Variants in SDK1 observed in about 807,000 individuals in gnomAD.
SDK1 encodes protein sidekick-1.
SDK1 carries 157 observed loss-of-function variants against 245.5 expected under a neutral mutation model. The ratio of observed to expected loss-of-function variants is 0.64; its 90% CI spans 0.56 to 0.73. The LOEUF is 0.73. Ranked by LOEUF, SDK1 falls within the 30% of genes least tolerant of loss-of-function variation. The probability of loss-of-function intolerance (pLI) is 0.00; values close to 1 mark genes in which losing one functional copy is unlikely to be tolerated. For missense variants in SDK1, 3,583 were observed against 3,002.3 expected (o/e 1.19, Z -4.52); for synonymous variants, 1,647 against 1,278.5 (o/e 1.29, Z -6.15).
At chr7:4,177,435 A>G (rs627151) in intron 34 of SDK1, among the ~76,000 whole-genome samples, 105,655 of 152,174 alleles carry the variant, frequency 0.69, 37,152 homozygotes, top group Admixed American at 0.76. Flanking sequence ...CCCCTGCCCT[A>G]AGGAGTTCTC....
intron 25 of SDK1, among the ~76,000 whole-genome samples, chr7:4,124,287 G>C (rs116327753): frequency 0.013 from 2,044 of 152,310 alleles, 44 homozygotes; most frequent in South Asian, 0.079. Flanking sequence ...CATTCTGGAA[G>C]GTGGAATCTG....
chr7:3,309,627 C>T (rs1156987543), intron 1 of SDK1, among the ~76,000 whole-genome samples: 1 of 143,756 alleles, frequency 7.0e-6, no homozygotes, highest in East Asian at 2.1e-4. Context: ...CATGCTTTTA[C>T]TTCTGATTTT....
At chr7:4,171,857 G>T (rs189243392) in intron 32 of SDK1, among the ~76,000 whole-genome samples, 2 of 152,376 alleles carry the variant, frequency 1.3e-5, no homozygotes, top group Admixed American at 1.3e-4. Flanking sequence ...CGTGACCCTT[G>T]TAACTTTCTG....
intron 1 of SDK1, among the ~76,000 whole-genome samples, chr7:3,401,832 G>A (rs1239728136): frequency 2.0e-5 from 3 of 151,942 alleles, no homozygotes; most frequent in African/African-American, 7.3e-5. Context: ...AGCACAAATG[G>A]CATTTGTATA....
rs914988479 is a variant in SDK1 at position 3,429,101 on chromosome 7, C to A, written c.298+127217C>A. On this transcript the variant is annotated intron_variant, in intron 1 of 44. Transcript: ENST00000404826. ...AGTCAAATTTGAAAGTTGTAAGATA[C>A]AATCCAGCTTCTGCAATAATGAGAA... Among the ~76,000 whole-genome samples, 6 of 152,126 alleles carry A rather than the reference C, an allele frequency of 3.9e-5. No individual in the cohort carries two copies. In the East Asian group the frequency reaches 1.2e-3, roughly 29 times the overall value.
intron 1 of SDK1, among the ~76,000 whole-genome samples, chr7:3,550,162 C>G (rs76574583): frequency 6.6e-6 from 1 of 151,996 alleles, no homozygotes; most frequent in Non-Finnish European, 1.5e-5. Flanking sequence ...ATATGCATAT[C>G]TCAAATTTAC....
chr7:3,506,293 G>A (rs187638225), intron 1 of SDK1, among the ~76,000 whole-genome samples: 1 of 152,182 alleles, frequency 6.6e-6, no homozygotes, highest in East Asian at 1.9e-4. Context: ...GAACTTTGAA[G>A]ATGTTCTTCT....
chr7:3,863,318 A>G (rs1324002639), intron 5 of SDK1, among the ~76,000 whole-genome samples: 1 of 152,032 alleles, frequency 6.6e-6, no homozygotes, highest in African/African-American at 2.4e-5. Flanking sequence ...TCTGCCTGAA[A>G]CTTTTCTCCA....
chr7:3,688,197 G>A (rs1052986798), intron 4 of SDK1, among the ~76,000 whole-genome samples: 2 of 152,200 alleles, frequency 1.3e-5, no homozygotes, highest in African/African-American at 4.8e-5. Flanking sequence ...AAACAACTGA[G>A]GCTTTTAAAG....
chr7:3,932,024 T>C (rs1423212887), intron 5 of SDK1, among the ~76,000 whole-genome samples: 1 of 152,242 alleles, frequency 6.6e-6, no homozygotes, highest in Non-Finnish European at 1.5e-5. Context: ...ATTGATAGTT[T>C]GCACAGTCCA....
intron 1 of SDK1, among the ~76,000 whole-genome samples, chr7:3,512,241 C>A (rs560322242): frequency 1.3e-5 from 2 of 152,174 alleles, no homozygotes; most frequent in South Asian, 4.1e-4. Flanking sequence ...TGATAACTTT[C>A]ACATAGTAAT....
chr7:3,819,750 A>G (rs1203624613), intron 4 of SDK1, among the ~76,000 whole-genome samples: 1 of 152,154 alleles, frequency 6.6e-6, no homozygotes, highest in Non-Finnish European at 1.5e-5. Flanking sequence ...GAGACCTCAA[A>G]CAGTAATATA....
At chr7:3,341,237 A>G (rs1022011726) in intron 1 of SDK1, among the ~76,000 whole-genome samples, 4 of 152,228 alleles carry the variant, frequency 2.6e-5, no homozygotes, top group Admixed American at 1.3e-4. Context: ...GCCACCCACC[A>G]TATCAACAGA....
intron 1 of SDK1, among the ~76,000 whole-genome samples, chr7:3,414,573 T>C (rs1241939911): frequency 6.6e-6 from 1 of 152,234 alleles, no homozygotes. Context: ...TAATACCTTA[T>C]GTTTTTGTGA....
At chr7:3,539,760 T>C (rs763280084) in intron 1 of SDK1, among the ~76,000 whole-genome samples, 22 of 152,208 alleles carry the variant, frequency 1.4e-4, no homozygotes, top group Admixed American at 1.2e-3. Context: ...GGAAGAATTA[T>C]TGCATTAATT....
chr7:3,535,367 T>TA (rs1209410004), intron 1 of SDK1, among the ~76,000 whole-genome samples: 3 of 152,174 alleles, frequency 2.0e-5, no homozygotes, highest in Non-Finnish European at 4.4e-5. Flanking sequence ...CTATTCTAAT[T>TA]ACATGCATTA....
At chr7:3,975,754 G>C (rs764443246) in intron 13 of SDK1, among the ~76,000 whole-genome samples, 9 of 152,228 alleles carry the variant, frequency 5.9e-5, no homozygotes, top group Admixed American at 2.6e-4. Context: ...CCCAACTCCT[G>C]TTCTGTCTCC....
chr7:4,054,836 T>C (rs1779102358), intron 19 of SDK1, among the ~76,000 whole-genome samples: 1 of 152,210 alleles, frequency 6.6e-6, no homozygotes. Flanking sequence ...TTTCACGTGC[T>C]CTTACTGCAT....
chr7:4,010,865 T>C (rs181057500), intron 14 of SDK1, 101 bp from the exon 15 acceptor site: 1 of 1,243,714 alleles, frequency 8.0e-7, no homozygotes, highest in South Asian at 1.4e-5. Context: ...GCTGTCCTGC[T>C]AAGCAAATGA....
Sources: gnomAD v4.1 joint callset for allele counts (sites outside exome capture counted in the v4.1 genomes callset) on GRCh38, gnomAD v4.1.1 for gene constraint, MANE v1.5 for transcripts, NCBI Gene and HGNC (gene_info 2026-07-23, HGNC 2026-07-21) for gene names.